Variants in ESRRG observed in about 807,000 individuals in gnomAD.
The protein encoded by ESRRG is estrogen-related receptor gamma.
In ESRRG, 13 loss-of-function variants were observed where a neutral mutation model predicts 44.0. That is an observed-to-expected ratio of 0.30 (90% confidence interval 0.19 to 0.47). The LOEUF is 0.47. Ranked by LOEUF, ESRRG falls within the 20% of genes least tolerant of loss-of-function variation. The pLI is 1.00. For synonymous variants in ESRRG, 215 were observed against 214.6 expected (o/e 1.00, Z -0.02); for missense variants, 395 against 580.6 (o/e 0.68, Z 3.29).
chr1:216,776,941 G>A (rs2093636815), intron 2 of ESRRG, among the ~76,000 whole-genome samples: 1 of 152,124 alleles, frequency 6.6e-6, no homozygotes, highest in Non-Finnish European at 1.5e-5. Context: ...CAAGAAGTTG[G>A]AAGACAAACG....
At chr1:216,639,904 G>A (rs1029028494) in intron 3 of ESRRG, among the ~76,000 whole-genome samples, 3 of 152,186 alleles carry the variant, frequency 2.0e-5, no homozygotes. Context: ...TAAAATAGCA[G>A]AAGTCCTGAC....
At chr1:216,684,733 ATAAC>A (rs1330155404) in intron 1 of ESRRG, among the ~76,000 whole-genome samples, 8 of 152,204 alleles carry the variant, frequency 5.3e-5, no homozygotes, top group African/African-American at 1.9e-4. Context: ...ACATTACTTT[ATAAC>A]TAACATGATA....
In ESRRG at chr1:216,803,892, T is replaced by C. The variant is rs75836300; in HGVS notation, c.-13-126401A>G. 6.1e-4 allele frequency among the ~76,000 whole-genome samples: 93 copies of C among 152,276 alleles called. No individual in the cohort carries two copies. The East Asian group carries it at 0.013, about 21-fold the overall frequency. ...TCCACATCGTTTTGTTTTGGGGAGC[T>C]TTTGTTGAGTAGATAATAGGGCAAA... is the stretch of plus-strand genomic sequence containing the variant. On this transcript the variant is annotated intron_variant, in intron 2 of 7. Coordinates refer to the ESRRG transcript ENST00000359162.
intron 2 of ESRRG, among the ~76,000 whole-genome samples, chr1:216,825,743 G>C (rs1261842266): frequency 6.6e-6 from 1 of 152,164 alleles, no homozygotes; most frequent in Non-Finnish European, 1.5e-5. Context: ...ATTCTAGTCT[G>C]AGAAGAGCTG....
chr1:217,002,270 C>A (rs558459804), intron 1 of ESRRG, among the ~76,000 whole-genome samples: 521 of 145,476 alleles, frequency 3.6e-3, no homozygotes, highest in African/African-American at 0.013. Context: ...CCACTGCACT[C>A]CAGCCTGGGC....
At chr1:216,954,263 A>T (rs1578610597) in intron 1 of ESRRG, among the ~76,000 whole-genome samples, 2 of 151,938 alleles carry the variant, frequency 1.3e-5, no homozygotes, top group South Asian at 4.2e-4. Flanking sequence ...TCAACATATT[A>T]AAAAAAATAA....
At chr1:216,536,969 G>A (rs908941681) in intron 5 of ESRRG, among the ~76,000 whole-genome samples, 1 of 152,068 alleles carries the variant, frequency 6.6e-6, no homozygotes, top group African/African-American at 2.4e-5. Context: ...GTTGTAAGCA[G>A]TGGGAGAGGG....
intron 1 of ESRRG, among the ~76,000 whole-genome samples, chr1:216,718,351 C>G (rs574345768): frequency 1.1e-4 from 16 of 152,016 alleles, no homozygotes; most frequent in Admixed American, 9.8e-4. Flanking sequence ...TACATGCACA[C>G]AAATATACTC....
chr1:216,976,985 A>G (rs2073056842), intron 1 of ESRRG, among the ~76,000 whole-genome samples: 1 of 152,100 alleles, frequency 6.6e-6, no homozygotes, highest in Admixed American at 6.6e-5. Context: ...AGATGGAGTC[A>G]TTTCCTTTCT....
chr1:216,774,811 T>TTTTTTTTTTTTTAAA (rs1559583231), intron 2 of ESRRG, among the ~76,000 whole-genome samples: 1 of 149,214 alleles, frequency 6.7e-6, no homozygotes, highest in Non-Finnish European at 1.5e-5. Flanking sequence ...TTTTTTTTTT[T>TTTTTTTTTTTTTAAA]AAGACAGAAT....
At chr1:216,962,921 C>T (rs2069425480) in intron 1 of ESRRG, among the ~76,000 whole-genome samples, 1 of 152,144 alleles carries the variant, frequency 6.6e-6, no homozygotes, top group Admixed American at 6.5e-5. Context: ...TTCCTGTGTG[C>T]AGAGAATGGC....
intron 1 of ESRRG, among the ~76,000 whole-genome samples, chr1:217,039,878 T>G (rs959301831): frequency 1.3e-5 from 2 of 152,030 alleles, no homozygotes; most frequent in Non-Finnish European, 2.9e-5. Flanking sequence ...CTTCCCAAAT[T>G]GTAGTATTCT....
intron 2 of ESRRG, among the ~76,000 whole-genome samples, chr1:216,795,686 A>G (rs2094454100): frequency 6.6e-6 from 1 of 152,104 alleles, no homozygotes; most frequent in South Asian, 2.1e-4. Flanking sequence ...CAATTCTAGG[A>G]AAACAAAGGC....
intron 1 of ESRRG, among the ~76,000 whole-genome samples, chr1:217,040,024 G>A (rs1429423751): frequency 6.6e-6 from 1 of 152,134 alleles, no homozygotes; most frequent in Non-Finnish European, 1.5e-5. Context: ...CCACACACAA[G>A]AGCAGGGTGA....
intron 3 of ESRRG, among the ~76,000 whole-genome samples, chr1:216,572,795 C>A (rs1173036711): frequency 1.3e-5 from 2 of 151,880 alleles, no homozygotes; most frequent in African/African-American, 4.8e-5. Flanking sequence ...AAGTATTTAA[C>A]CAAAAAGTAA....
intron 3 of ESRRG, among the ~76,000 whole-genome samples, chr1:216,591,114 C>T (rs1460381030): frequency 5.3e-5 from 8 of 152,174 alleles, no homozygotes; most frequent in Non-Finnish European, 1.2e-4. Flanking sequence ...CAGATAGCTT[C>T]AGAATTAGGG....
At chr1:216,542,151 A>G (rs1238071501) in intron 5 of ESRRG, among the ~76,000 whole-genome samples, 1 of 150,802 alleles carries the variant, frequency 6.6e-6, no homozygotes, top group Non-Finnish European at 1.5e-5. Flanking sequence ...CTTGTTGATC[A>G]GTTCCTATCC....
intron 3 of ESRRG, among the ~76,000 whole-genome samples, chr1:216,570,242 C>G (rs2060527572): frequency 6.6e-6 from 1 of 152,070 alleles, no homozygotes; most frequent in African/African-American, 2.4e-5. Flanking sequence ...ATAGGTTAAA[C>G]AAACAAATAT....
chr1:217,040,611 A>C (rs1012061080), intron 1 of ESRRG, among the ~76,000 whole-genome samples: 1 of 151,938 alleles, frequency 6.6e-6, no homozygotes, highest in Non-Finnish European at 1.5e-5. Context: ...TTTCTATTAA[A>C]ATTTTTTTCC....
Sources: gnomAD v4.1 joint callset for allele counts (sites outside exome capture counted in the v4.1 genomes callset) on GRCh38, gnomAD v4.1.1 for gene constraint, MANE v1.5 for transcripts, NCBI Gene and HGNC (gene_info 2026-07-23, HGNC 2026-07-21) for gene names.